The following HSPA14 variants were observed in gnomAD, a reference collection of about 807,000 sequenced individuals.
HSPA14 encodes the protein heat shock protein family A (Hsp70) member 14.
Under a neutral mutation model 65.5 loss-of-function variants are expected in HSPA14, and 37 were observed. The ratio of observed to expected loss-of-function variants is 0.56; its 90% CI spans 0.43 to 0.74. The LOEUF (loss-of-function observed/expected upper bound fraction) is 0.74, where lower values mean the gene tolerates loss of function less well. HSPA14 is among the 30% of genes least tolerant of loss of function. HSPA14 has a pLI of 0.00. For missense variants in HSPA14, 564 were observed against 607.6 expected (o/e 0.93, Z 0.75); for synonymous variants, 203 against 214.2 (o/e 0.95, Z 0.46).
At chr10:14,848,513 G>C (rs1430679290) in intron 3 of HSPA14, 96 bp from the exon 4 acceptor site, 6 of 788,736 alleles carry the variant, frequency 7.6e-6, no homozygotes, top group Non-Finnish European at 1.0e-5. Context: ...TTTAGTATTT[G>C]TTCAGTGATA....
intron 10 of HSPA14, among the ~76,000 whole-genome samples, chr10:14,861,238 G>A (rs1832747765): frequency 6.6e-6 from 1 of 152,118 alleles, no homozygotes; most frequent in Non-Finnish European, 1.5e-5. Flanking sequence ...GGTGGTTGAG[G>A]GTGCTGGGAG....
At chr10:14,857,071 T>C (rs1305879439) in intron 10 of HSPA14, among the ~76,000 whole-genome samples, 1 of 152,116 alleles carries the variant, frequency 6.6e-6, no homozygotes, top group Non-Finnish European at 1.5e-5. Context: ...TTTGCCTAAT[T>C]TATATAATAT....
chr10:14,869,171 C>T (rs1832832494), intron 12 of HSPA14, among the ~76,000 whole-genome samples: 2 of 151,176 alleles, frequency 1.3e-5, no homozygotes, highest in African/African-American at 4.9e-5. Context: ...ACTAAAAATG[C>T]CTAGCTTTTT....
Position 14,838,497 on chromosome 10 carries a change from G to T in HSPA14, c.57+38G>T, listed in dbSNP as rs755731405. On this transcript the variant is annotated intron_variant, in intron 1 of 13. Coordinates refer to ENST00000378372, the MANE Select transcript of HSPA14 (RefSeq NM_016299.4). ...GGAGCTGGGCTAGGGCTTCATGACG[G>T]CCACCCGGTTTTCTGGCGCTGGGTC... 1.9e-6 allele frequency: 3 copies of T among 1,556,018 alleles called. No individual in the cohort carries two copies. The Admixed American group carries it at 5.6e-5, about 29-fold the overall frequency.
At chr10:14,860,387 G>A (rs974688283) in intron 10 of HSPA14, among the ~76,000 whole-genome samples, 8 of 152,128 alleles carry the variant, frequency 5.3e-5, no homozygotes, top group African/African-American at 1.4e-4. Flanking sequence ...GGATATACAG[G>A]TAATATGAAA....
chr10:14,839,393 G>T (rs941065715), intron 1 of HSPA14, among the ~76,000 whole-genome samples: 1 of 152,060 alleles, frequency 6.6e-6, no homozygotes, highest in Non-Finnish European at 1.5e-5. Flanking sequence ...GGCTAACATG[G>T]TGAAACCCCG....
intron 10 of HSPA14, among the ~76,000 whole-genome samples, chr10:14,865,252 T>A (rs914589217): frequency 6.6e-5 from 10 of 152,092 alleles, no homozygotes; most frequent in African/African-American, 2.4e-4. Flanking sequence ...ATTGCAAAAA[T>A]TTTCTCCCAT....
intron 10 of HSPA14, among the ~76,000 whole-genome samples, chr10:14,865,668 G>C (rs563147749): frequency 6.6e-6 from 1 of 152,134 alleles, no homozygotes; most frequent in African/African-American, 2.4e-5. Context: ...GCTCTGTTCT[G>C]TTCCATTGGT....
intron 12 of HSPA14, among the ~76,000 whole-genome samples, chr10:14,868,452 T>G (rs1336640109): frequency 6.6e-6 from 1 of 151,998 alleles, no homozygotes; most frequent in Non-Finnish European, 1.5e-5. Context: ...GAGAGTGAAG[T>G]AGAGCCACGT....
chr10:14,854,266 T>C lies in HSPA14; in HGVS notation c.876T>C (p.Asp292=), dbSNP rs1259389033. The part of the protein sequence containing the change: ...LDSLYEGQDF[D]CNVSRARFEL... ...CATTATATGAAGGTCAAGATTTTGA[T>C]TGCAATGTGTCCAGGTAAAACTGAA... The change falls in exon 9 of 14, where the codon GAT becomes GAC. Residue 292 remains aspartate (D), a synonymous_variant. Coordinates refer to ENST00000378372, the MANE Select transcript of HSPA14 (RefSeq NM_016299.4). The C allele has an allele frequency of 1.9e-6, 3 of 1,606,918 alleles. No homozygotes were observed. The highest frequency in any genetic ancestry group is 1.7e-6 in the Non-Finnish European group (2 of 1,178,162).
At chr10:14,853,934 G>A (rs1345566745) in intron 8 of HSPA14, among the ~76,000 whole-genome samples, 191 bp from the exon 9 acceptor site, 1 of 152,142 alleles carries the variant, frequency 6.6e-6, no homozygotes, top group Non-Finnish European at 1.5e-5. Flanking sequence ...GGCCCTGGTT[G>A]ATCTTGAACT....
chr10:14,840,041 A>T (rs57734027), intron 2 of HSPA14, 34 bp from the exon 3 acceptor site: 47,273 of 1,194,136 alleles, frequency 0.04, 782 homozygotes, highest in Admixed American at 0.084. Context: ...CATACATTGT[A>T]ATATATATAT....
intron 10 of HSPA14, among the ~76,000 whole-genome samples, chr10:14,864,640 CA>C (rs1292488265): frequency 6.6e-6 from 1 of 152,082 alleles, no homozygotes; most frequent in Non-Finnish European, 1.5e-5. Context: ...CTTCGTCCTA[CA>C]AAGGACATGA....
chr10:14,850,288 A>G (rs1834098807), intron 6 of HSPA14, among the ~76,000 whole-genome samples: 1 of 151,994 alleles, frequency 6.6e-6, no homozygotes, highest in Non-Finnish European at 1.5e-5. Flanking sequence ...AAAAAAGCCA[A>G]GAGAACATAA....
Position 14,848,858 on chromosome 10 carries a change from A to G in HSPA14, c.339A>G (p.Pro113=), listed in dbSNP as rs1314440287. Residue 113 remains proline (P), a synonymous_variant, in exon 5 of 14, where the codon CCA becomes CCG. Coordinates refer to ENST00000378372, the MANE Select transcript of HSPA14 (RefSeq NM_016299.4). ...GAGAAGAAACAAAATTTGTTAACCC[A>G]GAAGATGTTGCCAGACTGATATTTA... ...DTGEETKFVN[P]EDVARLIFSK... is the part of the protein sequence containing the mutation. 3 of 1,590,978 alleles carry G rather than the reference A, an allele frequency of 1.9e-6. No individual in the cohort carries two copies. Among genetic ancestry groups the G allele is most frequent in the Non-Finnish European group, 8.6e-7 (1 of 1,162,586 alleles).
chr10:14,841,868 C>G (rs1340210308), intron 3 of HSPA14, among the ~76,000 whole-genome samples: 1 of 152,222 alleles, frequency 6.6e-6, no homozygotes, highest in Non-Finnish European at 1.5e-5. Flanking sequence ...GATTTTCCCT[C>G]CCAGCCCATC....
At chr10:14,871,252 T>G (rs1327124780) in intron 13 of HSPA14, among the ~76,000 whole-genome samples, 2 of 152,188 alleles carry the variant, frequency 1.3e-5, no homozygotes, top group African/African-American at 4.8e-5. Flanking sequence ...TATAAAGTCT[T>G]AAACCTAAGA....
intron 7 of HSPA14, among the ~76,000 whole-genome samples, 162 bp from the exon 8 acceptor site, chr10:14,852,208 A>C (rs1444017772): frequency 6.6e-6 from 1 of 152,232 alleles, no homozygotes; most frequent in Admixed American, 6.5e-5. Context: ...TCTCAGATCT[A>C]GGCTTGATTT....
rs992413304 is a variant in HSPA14, at chr10:14,843,955, T to C, written c.221+3798T>C. ...TAGAAGTCTAGTTCCCAAACCTGCC[T>C]TCTGAATCCCTGGCTCCTTTTCTGT... On this transcript the variant is annotated intron_variant, in intron 3 of 13. Transcript: ENST00000378372. The C allele has an allele frequency of 3.3e-6, 5 of 1,518,164 alleles. No individual in the cohort carries two copies. The African/African-American group carries it at 4.2e-5, about 13-fold the overall frequency. The allele number at this position is 1,518,164 out of a possible 1,614,324, so 94.0% of individuals were successfully genotyped here.
Sources: allele counts gnomAD v4.1 joint callset (sites outside exome capture counted in the v4.1 genomes callset), GRCh38; gene constraint gnomAD v4.1.1; transcripts MANE v1.5; gene names NCBI Gene and HGNC (gene_info 2026-07-23, HGNC 2026-07-21).